SCN8A: variants seen among roughly 807,000 people sequenced by gnomAD.
SCN8A encodes the protein sodium channel protein type 8 subunit alpha.
SCN8A carries 30 observed loss-of-function variants against 184.1 expected under a neutral mutation model. The observed-to-expected ratio is 0.16, with a 90% confidence interval of 0.12 to 0.22. The LOEUF (loss-of-function observed/expected upper bound fraction) is 0.22, where lower values mean the gene tolerates loss of function less well. Among genes scored for constraint, SCN8A ranks in the 10% least tolerant of loss-of-function variants. The pLI is 1.00. For missense variants in SCN8A, 1,057 were observed against 2,498.9 expected, an observed-to-expected ratio of 0.42 and a Z score of 12.30; for synonymous variants, 852 against 907.0, an observed-to-expected ratio of 0.94 and a Z score of 1.09.
intron 12 of SCN8A, among the ~76,000 whole-genome samples, chr12:51,741,614 T>C (rs550727162): frequency 3.9e-5 from 6 of 152,346 alleles, no homozygotes; most frequent in African/African-American, 1.4e-4. Context: ...TCTTGCTTTT[T>C]ATTTTTTGTG....
intron 1 of SCN8A, among the ~76,000 whole-genome samples, chr12:51,610,989 C>T (rs1325340660): frequency 6.6e-6 from 1 of 152,132 alleles, no homozygotes; most frequent in African/African-American, 2.4e-5. Flanking sequence ...TTTATATCTG[C>T]AAAAACTGCT....
In SCN8A at chr12:51,644,843, C is replaced by A. The variant is rs546313418; in HGVS notation, c.-54-17921C>A. Among the ~76,000 whole-genome samples the A allele has an allele frequency of 7.2e-5, 11 of 152,164 alleles. No homozygotes were observed. In the South Asian group the frequency reaches 2.1e-3, roughly 29 times the overall value. On this transcript the variant is annotated intron_variant, in intron 1 of 26. Coordinates refer to ENST00000627620, the MANE Select transcript of SCN8A (RefSeq NM_001330260.2). ...CTGGGAAGTGAGGAGCATCTCTGCC[C>A]GGCCACCCCGTCTGAGAAGTGAGGA...
intron 12 of SCN8A, among the ~76,000 whole-genome samples, chr12:51,740,503 T>C (rs11169909): frequency 6.6e-6 from 1 of 152,206 alleles, no homozygotes; most frequent in African/African-American, 2.4e-5. Context: ...ATGCTTGATA[T>C]TGTGGTAAAA....
At chr12:51,781,345 C>T (rs1937914932) in intron 21 of SCN8A, among the ~76,000 whole-genome samples, 1 of 152,120 alleles carries the variant, frequency 6.6e-6, no homozygotes, top group African/African-American at 2.4e-5. Flanking sequence ...TTGTTCTCAG[C>T]CCAGTCCCAA....
At chr12:51,591,808 T>C (rs922748508) in intron 1 of SCN8A, among the ~76,000 whole-genome samples, 1 of 151,382 alleles carries the variant, frequency 6.6e-6, no homozygotes, top group African/African-American at 2.4e-5. Context: ...CCCCCATGTC[T>C]TACTGCATCC....
intron 13 of SCN8A, among the ~76,000 whole-genome samples, chr12:51,748,897 A>G (rs1449634950): frequency 6.6e-6 from 1 of 152,226 alleles, no homozygotes; most frequent in Non-Finnish European, 1.5e-5. Context: ...CAGAAACCTC[A>G]TGGTCTACCA....
At chr12:51,769,376 A>G (rs759402256) in intron 17 of SCN8A, 41 bp downstream of exon 17, 3 of 1,424,920 alleles carry the variant, frequency 2.1e-6, no homozygotes, top group South Asian at 2.6e-5. Flanking sequence ...CCTGTGTGAG[A>G]GCAAACAGGG....
chr12:51,686,485 G>C, intron 4 of SCN8A, 28 bp downstream of exon 4: 2 of 1,452,242 alleles, frequency 1.4e-6, no homozygotes, highest in East Asian at 2.3e-5. Flanking sequence ...GTGTGTGCTT[G>C]TTTGTTTTAA....
intron 2 of SCN8A, among the ~76,000 whole-genome samples, chr12:51,664,472 T>C (rs1177715392): frequency 6.6e-6 from 1 of 152,126 alleles, no homozygotes; most frequent in African/African-American, 2.4e-5. Context: ...CCTTCCAAAA[T>C]GCTGGGATTA....
At chr12:51,710,671 A>C (rs1414430069) in intron 11 of SCN8A, among the ~76,000 whole-genome samples, 1 of 152,150 alleles carries the variant, frequency 6.6e-6, no homozygotes, top group Non-Finnish European at 1.5e-5. Flanking sequence ...AAAAAACAAG[A>C]ACAAAAACAA....
chr12:51,602,351 C>T (rs569339121), intron 1 of SCN8A, among the ~76,000 whole-genome samples: 15 of 152,222 alleles, frequency 9.9e-5, no homozygotes, highest in Admixed American at 5.2e-4. Context: ...GTTTGTAACA[C>T]AGAAGGCCAA....
chr12:51,763,076 T>C (rs531776777), intron 15 of SCN8A, among the ~76,000 whole-genome samples: 69 of 152,320 alleles, frequency 4.5e-4, no homozygotes, highest in African/African-American at 1.6e-3. Flanking sequence ...ATGGCAAGAA[T>C]TTCTCCTTGT....
intron 22 of SCN8A, among the ~76,000 whole-genome samples, chr12:51,787,725 G>A (rs1938125165): frequency 6.6e-6 from 1 of 152,170 alleles, no homozygotes; most frequent in African/African-American, 2.4e-5. Flanking sequence ...GTTCTTGGGA[G>A]ACTAACTGCA....
chr12:51,670,404 T>C (rs533762200), intron 2 of SCN8A, among the ~76,000 whole-genome samples: 1 of 152,316 alleles, frequency 6.6e-6, no homozygotes, highest in African/African-American at 2.4e-5. Flanking sequence ...ATGTCACTTA[T>C]TACAGGTTGC....
intron 12 of SCN8A, among the ~76,000 whole-genome samples, chr12:51,731,932 A>G (rs1942249939): frequency 6.6e-6 from 1 of 152,046 alleles, no homozygotes; most frequent in Non-Finnish European, 1.5e-5. Context: ...GTTTTTTCCT[A>G]TAGAGTTCTT....
At chr12:51,668,081 G>A (rs369079892) in intron 2 of SCN8A, among the ~76,000 whole-genome samples, 4 of 151,746 alleles carry the variant, frequency 2.6e-5, no homozygotes, top group Non-Finnish European at 4.4e-5. Flanking sequence ...TACTCAGGAG[G>A]CTGAGGCAGG....
chr12:51,665,778 C>T (rs761459813), intron 2 of SCN8A, among the ~76,000 whole-genome samples: 3 of 151,950 alleles, frequency 2.0e-5, no homozygotes, highest in Non-Finnish European at 4.4e-5. Context: ...AAATGAAGAC[C>T]GTAGGCTGGG....
intron 6 of SCN8A, among the ~76,000 whole-genome samples, chr12:51,694,897 T>C (rs1231283543): frequency 1.3e-5 from 2 of 152,214 alleles, no homozygotes; most frequent in African/African-American, 4.8e-5. Flanking sequence ...AGGAAATGAA[T>C]TGATGGCATC....
At chr12:51,685,439 T>C (rs1413341768) in intron 3 of SCN8A, among the ~76,000 whole-genome samples, 1 of 152,178 alleles carries the variant, frequency 6.6e-6, no homozygotes, top group Non-Finnish European at 1.5e-5. Context: ...ATATGACAAT[T>C]AGAGTTTGAG....
Sources: allele counts gnomAD v4.1 joint callset (sites outside exome capture counted in the v4.1 genomes callset), GRCh38; gene constraint gnomAD v4.1.1; transcripts MANE v1.5; gene names NCBI Gene and HGNC (gene_info 2026-07-23, HGNC 2026-07-21).